Variants in APOL2 observed in about 807,000 individuals in gnomAD.
The protein encoded by APOL2 is apolipoprotein L2, also known as apolipoprotein L, 2.
APOL2 carries 8 observed loss-of-function variants against 7.1 expected under a neutral mutation model. That is an observed-to-expected ratio of 1.12 (90% CI 0.66 to 2.03). The LOEUF (loss-of-function observed/expected upper bound fraction) is 2.03. APOL2 is among the 30% of genes most tolerant of loss of function. APOL2 has a pLI of 0.00. For synonymous variants in APOL2, 177 were observed against 159.9 expected, an observed-to-expected ratio of 1.11 and a Z score of -0.81; for missense variants, 471 against 415.1, an observed-to-expected ratio of 1.13 and a Z score of -1.17.
Position 36,231,362 on chromosome 22 carries a change from C to G in APOL2, c.115G>C (p.Val39Leu), listed in dbSNP as rs768660458. ...TACCTGGGCAGTTCAGCAGCAGCCACGAATCCATTCCAGGCTTCATCATCA... is the reference window on the plus strand; with the variant it reads ...TACCTGGGCAGTTCAGCAGCAGCCAGGAATCCATTCCAGGCTTCATCATCA... ...LTDDEAWNGF[V>L]AAAELPRDEA... The change falls in exon 4 of 5, where the codon GTG becomes CTG. Residue 39 changes from valine to leucine, a missense_variant. Coordinates refer to ENST00000358502, the MANE Select transcript of APOL2 (RefSeq NM_030882.4). 4 of 1,614,074 alleles carry G rather than the reference C, an allele frequency of 2.5e-6. No individual in the cohort carries two copies. Among genetic ancestry groups the G allele is most frequent in the Non-Finnish European group, 3.4e-6 (4 of 1,179,958 alleles).
In APOL2 at chr22:36,237,356, G is replaced by C. The variant is rs983336761; in HGVS notation, c.-134+2085C>G. 1.5e-5 allele frequency: 20 copies of C among 1,309,078 alleles called. No homozygotes were observed. In the African/African-American group the frequency reaches 2.9e-4, roughly 19 times the overall value. 81.1% of individuals were successfully genotyped at this position (1,309,078 alleles called of 1,614,324 possible). A position where few individuals can be genotyped will look rare whatever the true frequency, so the allele number is the denominator to read the frequency against. On this transcript the variant is annotated intron_variant, in intron 1 of 4. Coordinates refer to ENST00000358502, the MANE Select transcript of APOL2 (RefSeq NM_030882.4). The stretch of plus-strand genomic sequence containing the variant: ...GCATCTCCCTCCAAGTGGTTGTGGG[G>C]CATCCTCCTTGGGCAGGGAAAGAGG...
intron 3 of APOL2, among the ~76,000 whole-genome samples, chr22:36,232,132 C>A (rs925701614): frequency 1.6e-4 from 25 of 152,358 alleles, no homozygotes; most frequent in Middle Eastern, 3.4e-3. Context: ...TAACTGCAAC[C>A]AATCAAATAA....
rs2015084403 is a variant in APOL2, at chr22:36,228,106, C to T, written c.312G>A (p.Glu104=). The T allele has an allele frequency of 6.2e-7, 1 of 1,614,094 alleles. No homozygotes were observed. The highest frequency in any genetic ancestry group is 1.1e-5 in the South Asian group (1 of 91,086). The change falls in exon 5 of 5, where the codon GAG becomes GAA. Residue 104 remains glutamate (E), a synonymous_variant. Transcript: ENST00000358502. ...TGCCTCTGTGGACCTGCTCAACCTC[C>T]TCTGCAAGGGCACGGAGCTTCCTTA... ...DHIRKLRALA[E]EVEQVHRGTT...
At chr22:36,233,003 G>A (rs1049420102) in intron 3 of APOL2, 150 bp downstream of exon 3, 13 of 802,670 alleles carry the variant, frequency 1.6e-5, no homozygotes, top group Non-Finnish European at 2.3e-5. Flanking sequence ...CTGGGTCGGG[G>A]GACTCCACGT....
rs775340657 is a variant in APOL2 at position 36,239,492 on chromosome 22, G to A, written c.-185C>T. 4 of 1,584,962 alleles carry A rather than the reference G, an allele frequency of 2.5e-6. No individual in the cohort carries two copies. In the East Asian group the frequency reaches 6.8e-5, roughly 27 times the overall value. ...GAGCAAGATCCAACTGTTCTGAGCTGTGTGGATCCCACGTCCAGCTGTGCA... is the reference window on the plus strand; with the variant it reads ...GAGCAAGATCCAACTGTTCTGAGCTATGTGGATCCCACGTCCAGCTGTGCA... On this transcript the variant is annotated 5_prime_UTR_variant, in exon 1 of 5. Coordinates refer to ENST00000358502, the MANE Select transcript of APOL2 (RefSeq NM_030882.4).
At chr22:36,235,645 G>A (rs2157250) in intron 1 of APOL2, among the ~76,000 whole-genome samples, 115,663 of 151,838 alleles carry the variant, frequency 0.76, 45,620 homozygotes, top group African/African-American at 0.9. Context: ...AGATGACAGA[G>A]GAAAAGGAGC....
At chr22:36,233,620 G>A (rs546070756) in intron 1 of APOL2, among the ~76,000 whole-genome samples, 165 bp from the exon 2 acceptor site, 2 of 152,196 alleles carry the variant, frequency 1.3e-5, no homozygotes, top group African/African-American at 4.8e-5. Context: ...AGTGTGTATT[G>A]TGTGTCTGTG....
chr22:36,239,561 C>G (rs746092046), upstream of APOL2: 3 of 1,531,748 alleles, frequency 2.0e-6, no homozygotes, highest in East Asian at 7.0e-5. Context: ...CCAGATATAC[C>G]CTGGAATTCG....
chr22:36,228,852 T>C (rs1269206994), intron 4 of APOL2, among the ~76,000 whole-genome samples: 1 of 152,176 alleles, frequency 6.6e-6, no homozygotes, highest in East Asian at 1.9e-4. Context: ...TTTCCTGACT[T>C]CCAGAGGACT....
Position 36,227,958 on chromosome 22 carries a change from C to T in APOL2, c.460G>A (p.Gly154Ser). 1 of 1,614,216 alleles carries T rather than the reference C, an allele frequency of 6.2e-7. No individual in the cohort carries two copies. The highest frequency in any genetic ancestry group is 8.5e-7 in the Non-Finnish European group (1 of 1,180,036). The change falls in exon 5 of 5, where the codon GGT (glycine) becomes AGT (serine). Residue 154 changes from glycine (G) to serine (S), a missense_variant. Gly to Ser is a moderately conservative substitution (Grantham distance 56). Coordinates refer to ENST00000358502, the MANE Select transcript of APOL2 (RefSeq NM_030882.4). ...ISFVLLDTGM[G>S]LGAAAAVAGI... ...GCCACAGCAGCTGCTGCTCCCAGAC[C>T]CATGCCAGTGTCCAAGAGCACAAAA...
rs2015288643 is a variant in APOL2, at chr22:36,233,209, G to A, written c.-47C>T. The A allele has an allele frequency of 6.2e-7, 1 of 1,614,022 alleles. No individual in the cohort carries two copies. The highest frequency in any genetic ancestry group is 1.3e-5 in the African/African-American group (1 of 74,914). ...GAGGGGCTTTCCTTGGAGCTCTCCAGTCACTGTCCAGACTGGAAGGTTTTC... is the reference window on the plus strand; with the variant it reads ...GAGGGGCTTTCCTTGGAGCTCTCCAATCACTGTCCAGACTGGAAGGTTTTC... On this transcript the variant is annotated 5_prime_UTR_variant, in exon 3 of 5. Transcript: ENST00000358502.
upstream of APOL2, chr22:36,239,715 C>T: frequency 3.5e-6 from 2 of 565,754 alleles, no homozygotes; most frequent in Non-Finnish European, 3.2e-6. Flanking sequence ...CATCCGGGTC[C>T]CTCTCATCCA....
At chr22:36,228,410 T>C (rs1410347936) in intron 4 of APOL2, 130 bp from the exon 5 acceptor site, 5 of 1,250,262 alleles carry the variant, frequency 4.0e-6, no homozygotes, top group South Asian at 3.0e-5. Context: ...ATTTTACAAA[T>C]GGAATTAATT....
In APOL2 at chr22:36,231,341, T is replaced by A. The variant is rs756502784; in HGVS notation, c.136A>T (p.Arg46Trp). Reference sequence around the variant, plus strand: ...TGGAGTTAACCCCATGGAGCTTACCTGGGCAGTTCAGCAGCAGCCACGAAT... The same window carrying A: ...TGGAGTTAACCCCATGGAGCTTACCAGGGCAGTTCAGCAGCAGCCACGAAT... ...NGFVAAAELP[R>W]DEADELRKAL... is the part of the protein sequence containing the mutation. The change falls in exon 4 of 5, where the codon AGG (arginine) becomes TGG (tryptophan). Residue 46 changes from arginine to tryptophan, a missense_variant and splice_region_variant. Arg to Trp is a moderately radical substitution (Grantham distance 101). Coordinates refer to ENST00000358502, the MANE Select transcript of APOL2 (RefSeq NM_030882.4). 1 of 1,614,038 alleles carries A rather than the reference T, an allele frequency of 6.2e-7. No individual in the cohort carries two copies. The highest frequency in any genetic ancestry group is 8.5e-7 in the Non-Finnish European group (1 of 1,179,906).
chr22:36,227,198 C>T lies in APOL2; in HGVS notation c.*206G>A. On this transcript the variant is annotated 3_prime_UTR_variant, in exon 5 of 5. Coordinates refer to ENST00000358502, the MANE Select transcript of APOL2 (RefSeq NM_030882.4). ...GGGCGTGGTGGCAGGTGCCTGTAGT[C>T]CCAGCTACTCGGGAGACTGAGGCCG... The T allele has an allele frequency of 1.8e-6, 1 of 542,928 alleles. No homozygotes were observed. Among genetic ancestry groups the T allele is most frequent in the Non-Finnish European group, 3.0e-6 (1 of 332,864 alleles). The allele number at this position is 542,928 out of a possible 1,614,324, so 33.6% of individuals were successfully genotyped here.
intron 4 of APOL2, among the ~76,000 whole-genome samples, chr22:36,230,146 A>C (rs1038262448): frequency 1.1e-4 from 17 of 152,244 alleles, no homozygotes; most frequent in African/African-American, 3.6e-4. Flanking sequence ...GAATTTGGTC[A>C]AGATGGTAGA....
chr22:36,233,800 T>G (rs767591184), intron 1 of APOL2, among the ~76,000 whole-genome samples: 1 of 152,218 alleles, frequency 6.6e-6, no homozygotes, highest in Non-Finnish European at 1.5e-5. Context: ...TGTCTTCAAT[T>G]ACTGTGCTCT....
At chr22:36,237,252 A>T (rs182100832) in intron 1 of APOL2, 24 of 1,357,078 alleles carry the variant, frequency 1.8e-5, no homozygotes, top group African/African-American at 4.5e-5. Flanking sequence ...CAACTGAGCG[A>T]CCTGGAAGAG....
chr22:36,234,825 C>A (rs562233956), intron 1 of APOL2, among the ~76,000 whole-genome samples: 1 of 152,312 alleles, frequency 6.6e-6, no homozygotes, highest in Non-Finnish European at 1.5e-5. Flanking sequence ...TTTCCATTTT[C>A]AGGTAAGAAA....
Sources: gnomAD v4.1 joint callset for allele counts (sites outside exome capture counted in the v4.1 genomes callset) on GRCh38, gnomAD v4.1.1 for gene constraint, MANE v1.5 for transcripts, NCBI Gene and HGNC (gene_info 2026-07-23, HGNC 2026-07-21) for gene names.